The following CNTNAP5 variants were observed in gnomAD, a reference collection of about 807,000 sequenced individuals.
CNTNAP5 encodes contactin associated protein family member 5.
Under a neutral mutation model 150.2 loss-of-function variants are expected in CNTNAP5, and 72 were observed. That is an observed-to-expected ratio of 0.48 (90% CI 0.40 to 0.58). The LOEUF (loss-of-function observed/expected upper bound fraction) is 0.58, where lower values mean the gene tolerates loss of function less well. Among genes scored for constraint, CNTNAP5 ranks in the 20% least tolerant of loss-of-function variants. The pLI is 0.00. For synonymous variants in CNTNAP5, 672 were observed against 619.8 expected (o/e 1.08, Z -1.25); for missense variants, 1,636 against 1,626.2 (o/e 1.01, Z -0.10).
intron 1 of CNTNAP5, among the ~76,000 whole-genome samples, chr2:124,199,880 T>C (rs1350225777): frequency 1.3e-5 from 2 of 152,214 alleles, no homozygotes; most frequent in Non-Finnish European, 2.9e-5. Context: ...ATGTAGATTG[T>C]TTAGGGTTTT....
At chr2:124,131,987 A>G (rs574781605) in intron 1 of CNTNAP5, among the ~76,000 whole-genome samples, 2 of 152,136 alleles carry the variant, frequency 1.3e-5, no homozygotes, top group East Asian at 3.9e-4. Context: ...AAAACCATCA[A>G]AGAGACCTAA....
At chr2:124,886,776 TCCCC>T (rs780392973) in intron 21 of CNTNAP5, among the ~76,000 whole-genome samples, 32 of 152,108 alleles carry the variant, frequency 2.1e-4, no homozygotes, top group Admixed American at 7.2e-4. Flanking sequence ...AATTCCAAAC[TCCCC>T]CTGCTTACCT....
Position 124,860,517 on chromosome 2 carries a change from T to C in CNTNAP5, c.3218-4789T>C, listed in dbSNP as rs1191805361. 5.6e-5 allele frequency among the ~76,000 whole-genome samples: 8 copies of C among 143,040 alleles called. 1 individual carries two copies. The highest frequency in any genetic ancestry group is 2.2e-4 in the African/African-American group (8 of 36,508). 93.8% of individuals were successfully genotyped at this position (143,040 alleles called of 152,430 possible). On this transcript the variant is annotated intron_variant, in intron 19 of 23. Coordinates refer to ENST00000682447, the MANE Select transcript of CNTNAP5 (RefSeq NM_001367498.1). ...CTTCCTTCCTTCTTTCCTTCCTTCCTTCCTTCCTTCCTTCCTTCCTTCCTT... is the reference window on the plus strand; with the variant it reads ...CTTCCTTCCTTCTTTCCTTCCTTCCCTCCTTCCTTCCTTCCTTCCTTCCTT...
intron 19 of CNTNAP5, among the ~76,000 whole-genome samples, chr2:124,809,099 T>G (rs577018217): frequency 4.3e-4 from 65 of 152,222 alleles, no homozygotes; most frequent in African/African-American, 1.4e-3. Context: ...AAAAAATACT[T>G]TACCCATATG....
intron 3 of CNTNAP5, among the ~76,000 whole-genome samples, chr2:124,390,401 A>C (rs924474061): frequency 4.6e-5 from 7 of 152,236 alleles, no homozygotes; most frequent in African/African-American, 1.4e-4. Flanking sequence ...AGAATTATCT[A>C]CTAAAAAGCC....
chr2:124,493,539 A>T (rs1356321214), intron 7 of CNTNAP5, among the ~76,000 whole-genome samples: 1 of 151,858 alleles, frequency 6.6e-6, no homozygotes, highest in Non-Finnish European at 1.5e-5. Flanking sequence ...ACGGGGTTTC[A>T]CCATGTTGGC....
chr2:124,856,022 G>A (rs1428181358), intron 19 of CNTNAP5, among the ~76,000 whole-genome samples: 3 of 151,778 alleles, frequency 2.0e-5, no homozygotes, highest in South Asian at 2.1e-4. Context: ...TTCCATCCAC[G>A]TTGCTGCGAA....
rs144261255 is a variant in CNTNAP5, at chr2:124,890,123, T to G, written c.3437-12759T>G. Among the ~76,000 whole-genome samples, 293 of 152,226 alleles carry G rather than the reference T, an allele frequency of 1.9e-3. 4 individuals are homozygous for G. The South Asian group carries it at 0.025, about 13-fold the overall frequency. On this transcript the variant is annotated intron_variant, in intron 21 of 23. Coordinates refer to ENST00000682447, the MANE Select transcript of CNTNAP5 (RefSeq NM_001367498.1). ...GTGAGAAAATCCATGTTCAGTATCT[T>G]GTCCAAGCTTTCTCTAGTACATGCT...
intron 1 of CNTNAP5, among the ~76,000 whole-genome samples, chr2:124,206,274 G>T (rs1022257798): frequency 1.3e-5 from 2 of 152,132 alleles, no homozygotes; most frequent in African/African-American, 4.8e-5. Flanking sequence ...CTAACCCTAT[G>T]AGTTAATTTA....
At chr2:124,666,718 A>C (rs2105051970) in intron 13 of CNTNAP5, among the ~76,000 whole-genome samples, 1 of 152,240 alleles carries the variant, frequency 6.6e-6, no homozygotes, top group South Asian at 2.1e-4. Context: ...TCATCCCCTA[A>C]ATACTGTCCT....
intron 19 of CNTNAP5, among the ~76,000 whole-genome samples, chr2:124,801,769 G>T (rs1681972667): frequency 6.6e-6 from 1 of 152,148 alleles, no homozygotes; most frequent in African/African-American, 2.4e-5. Flanking sequence ...GAATCATGGG[G>T]GGTGAGAATT....
chr2:124,871,277 C>CTTATTTATTTAT (rs1401599879), intron 21 of CNTNAP5, among the ~76,000 whole-genome samples: 5 of 135,514 alleles, frequency 3.7e-5, no homozygotes, highest in South Asian at 2.2e-4. Context: ...TACATATTTA[C>CTTATTTATTTAT]TTACTTATTT....
At chr2:124,229,629 C>T (rs1378400183) in intron 2 of CNTNAP5, among the ~76,000 whole-genome samples, 2 of 152,138 alleles carry the variant, frequency 1.3e-5, no homozygotes, top group African/African-American at 4.8e-5. Flanking sequence ...TGGCTTAGGA[C>T]GGATCAGTCT....
chr2:124,360,593 T>A lies in CNTNAP5; in HGVS notation c.382-56850T>A, dbSNP rs565446513. 4.3e-5 allele frequency among the ~76,000 whole-genome samples: 6 copies of A among 138,048 alleles called. No homozygotes were observed. In the South Asian group the frequency reaches 1.5e-3, roughly 34 times the overall value. The allele number at this position is 138,048 out of a possible 152,430, so 90.6% of individuals were successfully genotyped here. A position where few individuals can be genotyped will look rare whatever the true frequency, so the allele number is the denominator to read the frequency against. On this transcript the variant is annotated intron_variant, in intron 3 of 23. Coordinates refer to ENST00000682447, the MANE Select transcript of CNTNAP5 (RefSeq NM_001367498.1). ...AGCTTAGTTTGGCTGGATATGAAATTCTGGGTTGAAAATTCTTTTCTTTAA... is the reference window on the plus strand; with the variant it reads ...AGCTTAGTTTGGCTGGATATGAAATACTGGGTTGAAAATTCTTTTCTTTAA...
chr2:124,767,484 A>T (rs1292264961), intron 16 of CNTNAP5, among the ~76,000 whole-genome samples: 2 of 152,220 alleles, frequency 1.3e-5, no homozygotes, highest in African/African-American at 4.8e-5. Context: ...AGTAGATGAG[A>T]TCAGAAGGAA....
chr2:124,474,082 T>C (rs1269271188), intron 6 of CNTNAP5, among the ~76,000 whole-genome samples: 3 of 152,040 alleles, frequency 2.0e-5, no homozygotes, highest in Non-Finnish European at 4.4e-5. Flanking sequence ...CTTCTTATTG[T>C]TGACATCATA....
intron 13 of CNTNAP5, among the ~76,000 whole-genome samples, chr2:124,719,166 C>T (rs564751325): frequency 6.6e-6 from 1 of 152,258 alleles, no homozygotes; most frequent in African/African-American, 2.4e-5. Context: ...GTGCAACCCT[C>T]TTGGGTTTCA....
intron 21 of CNTNAP5, among the ~76,000 whole-genome samples, chr2:124,873,234 C>A (rs1358751517): frequency 6.6e-6 from 1 of 151,960 alleles, no homozygotes; most frequent in Non-Finnish European, 1.5e-5. Context: ...CAATTTTAAA[C>A]AATTATATCT....
rs1456870554 is a variant in CNTNAP5, at chr2:124,827,770, A to G, written c.3217+29450A>G. Among the ~76,000 whole-genome samples, 3 of 152,226 alleles carry G rather than the reference A, an allele frequency of 2.0e-5. No individual in the cohort carries two copies. In the East Asian group the frequency reaches 5.8e-4, roughly 29 times the overall value. ...ATAAGTAGCTCTATGTTAGGCTCATAAACATTAATGCTTATTGTATGCCAT... is the reference window on the plus strand; with the variant it reads ...ATAAGTAGCTCTATGTTAGGCTCATGAACATTAATGCTTATTGTATGCCAT... On this transcript the variant is annotated intron_variant, in intron 19 of 23. Coordinates refer to ENST00000682447, the MANE Select transcript of CNTNAP5 (RefSeq NM_001367498.1).
Sources: allele counts gnomAD v4.1 joint callset (sites outside exome capture counted in the v4.1 genomes callset), GRCh38; gene constraint gnomAD v4.1.1; transcripts MANE v1.5; gene names NCBI Gene and HGNC (gene_info 2026-07-23, HGNC 2026-07-21).